The following PPARGC1A variants were observed in gnomAD, a reference collection of about 807,000 sequenced individuals.
PPARGC1A encodes the protein PPARG coactivator 1 alpha.
PPARGC1A carries 25 observed loss-of-function variants against 88.7 expected under a neutral mutation model. The observed-to-expected ratio is 0.28, with a 90% CI of 0.21 to 0.39. The LOEUF (loss-of-function observed/expected upper bound fraction) is 0.39, where lower values mean the gene tolerates loss of function less well. PPARGC1A is among the 10% of genes least tolerant of loss of function. The probability of loss-of-function intolerance (pLI) is 1.00; values close to 1 mark genes in which losing one functional copy is unlikely to be tolerated. For missense variants in PPARGC1A, 880 were observed against 968.7 expected, an observed-to-expected ratio of 0.91 and a Z score of 1.22; for synonymous variants, 363 against 355.6, an observed-to-expected ratio of 1.02 and a Z score of -0.24.
At chr4:24,008,859 G>T in the PPARGC1A span, among the ~76,000 whole-genome samples, 1 of 152,136 alleles carries the variant, frequency 6.6e-6, no homozygotes, top group African/African-American at 2.4e-5. Flanking sequence ...GCTAACTGAA[G>T]ATGTTATTAT....
chr4:23,808,281 G>T (rs1479837807), intron 10 of PPARGC1A, among the ~76,000 whole-genome samples: 1 of 149,136 alleles, frequency 6.7e-6, no homozygotes, highest in Non-Finnish European at 1.5e-5. Context: ...CTGAGTAATT[G>T]CACAATTTTT....
chr4:24,455,690 T>C, the PPARGC1A span, among the ~76,000 whole-genome samples: 2 of 152,084 alleles, frequency 1.3e-5, no homozygotes, highest in South Asian at 2.1e-4. Context: ...ATCTCCAGAG[T>C]TGGTTAGTTG....
the PPARGC1A span, among the ~76,000 whole-genome samples, chr4:24,310,513 C>T: frequency 6.6e-5 from 10 of 152,260 alleles, no homozygotes; most frequent in Non-Finnish European, 4.4e-5. Context: ...TTTTTCTGGT[C>T]TGAAGAATCA....
chr4:24,183,101 T>C, the PPARGC1A span, among the ~76,000 whole-genome samples: 9 of 152,128 alleles, frequency 5.9e-5, no homozygotes, highest in African/African-American at 9.7e-5. Flanking sequence ...GAGGACCAGA[T>C]GGAAATAAGG....
In PPARGC1A at chr4:23,801,787, A is replaced by C. The variant is rs2109345456; in HGVS notation, c.2236T>G (p.Phe746Val). 6.2e-7 allele frequency: 1 copy of C among 1,614,068 alleles called. No individual in the cohort carries two copies. The highest frequency in any genetic ancestry group is 1.1e-5 in the South Asian group (1 of 91,084). ...TTGCGTCCACAAAAGTACAGCTCAA[A>C]GTCAGTTTCGTTTGACCTGCGCAAA... ...YTLRRSNETDFELYFCGRKQF... is the reference protein window; with the variant it reads ...YTLRRSNETDVELYFCGRKQF... Residue 746 changes from phenylalanine (F) to valine (V), a missense_variant, in exon 12 of 13, where the codon TTT becomes GTT. Physicochemically the swap from Phe to Val is conservative, Grantham distance 50. Transcript: ENST00000264867.
the PPARGC1A span, among the ~76,000 whole-genome samples, chr4:24,320,232 C>G: frequency 9.2e-5 from 14 of 152,204 alleles, no homozygotes; most frequent in Admixed American, 6.5e-5. Flanking sequence ...GAGGTTTAAG[C>G]AATGTTTTCT....
At position 23,795,244 on chromosome 4, in the gene PPARGC1A, G is replaced by A. The variant is rs1717302517; in HGVS notation, c.*578C>T. ...CGGCTGTCATTTTAGGGTGGTTTGT[G>A]GTTGGTTGGTTGGTTGGTTGGTTGT... On this transcript the variant is annotated 3_prime_UTR_variant, in exon 13 of 13. Transcript: ENST00000264867. 1 of 147,066 alleles carries A rather than the reference G, an allele frequency of 6.8e-6. No individual in the cohort carries two copies. The highest frequency in any genetic ancestry group is 2.5e-5 in the African/African-American group (1 of 39,812). The allele number at this position is 147,066 out of a possible 1,614,324, so 9.1% of individuals were successfully genotyped here. A position where few individuals can be genotyped will look rare whatever the true frequency, so the allele number is the denominator to read the frequency against.
intron 10 of PPARGC1A, among the ~76,000 whole-genome samples, chr4:23,802,590 T>C (rs530008504): frequency 6.7e-6 from 1 of 150,226 alleles, no homozygotes; most frequent in African/African-American, 2.5e-5. Context: ...ACGCAGAGAA[T>C]TGCTTGAACC....
the PPARGC1A span, among the ~76,000 whole-genome samples, chr4:23,965,929 T>A: frequency 6.6e-6 from 1 of 152,204 alleles, no homozygotes; most frequent in Non-Finnish European, 1.5e-5. Context: ...AAACAGTTTT[T>A]ATGGCAAATG....
chr4:23,998,623 A>G, the PPARGC1A span, among the ~76,000 whole-genome samples: 1 of 152,228 alleles, frequency 6.6e-6, no homozygotes, highest in Non-Finnish European at 1.5e-5. Context: ...ATTTACTGAC[A>G]ACAATTTTGG....
chr4:24,373,231 T>A, the PPARGC1A span, among the ~76,000 whole-genome samples: 1 of 152,192 alleles, frequency 6.6e-6, no homozygotes, highest in Non-Finnish European at 1.5e-5. Flanking sequence ...GGTCTGGCGA[T>A]ACTGGGGCAA....
chr4:24,014,904 C>T, the PPARGC1A span, among the ~76,000 whole-genome samples: 9 of 152,152 alleles, frequency 5.9e-5, no homozygotes, highest in Non-Finnish European at 1.2e-4. Context: ...AGTGACATCC[C>T]ATCATATTGA....
chr4:23,845,610 C>T (rs1728180111), intron 2 of PPARGC1A, among the ~76,000 whole-genome samples: 1 of 152,130 alleles, frequency 6.6e-6, no homozygotes. Context: ...TGTTAATCCT[C>T]TGAGCCTTTC....
the PPARGC1A span, among the ~76,000 whole-genome samples, chr4:24,448,776 C>T: frequency 6.6e-5 from 10 of 152,150 alleles, no homozygotes; most frequent in African/African-American, 2.4e-4. Context: ...ATGTCTCACA[C>T]ACACCCCATT....
the PPARGC1A span, among the ~76,000 whole-genome samples, chr4:24,305,133 G>GCA: frequency 7.0e-6 from 1 of 142,896 alleles, no homozygotes; most frequent in African/African-American, 2.6e-5. Flanking sequence ...ATATGTGTAT[G>GCA]TATATATATA....
At chr4:24,073,223 TG>T in the PPARGC1A span, among the ~76,000 whole-genome samples, 1 of 151,996 alleles carries the variant, frequency 6.6e-6, no homozygotes, top group Non-Finnish European at 1.5e-5. Context: ...TTTGTATTTT[TG>T]GTAGAGATGG....
the PPARGC1A span, among the ~76,000 whole-genome samples, chr4:23,965,585 TACAG>T: frequency 6.6e-6 from 1 of 152,334 alleles, no homozygotes; most frequent in Non-Finnish European, 1.5e-5. Context: ...AATGATATTA[TACAG>T]ACAAAGTGCT....
the PPARGC1A span, among the ~76,000 whole-genome samples, chr4:24,200,753 G>T: frequency 1.4e-5 from 2 of 146,662 alleles, no homozygotes; most frequent in Admixed American, 1.4e-4. Flanking sequence ...ATTTGCATTT[G>T]CTATATTATC....
intron 2 of PPARGC1A, among the ~76,000 whole-genome samples, chr4:23,872,622 T>C (rs933119958): frequency 2.0e-5 from 3 of 152,198 alleles, no homozygotes; most frequent in African/African-American, 7.2e-5. Flanking sequence ...TTCCCTGCTC[T>C]ACTTCCTCAA....
Sources: allele counts gnomAD v4.1 joint callset (sites outside exome capture counted in the v4.1 genomes callset), GRCh38; gene constraint gnomAD v4.1.1; transcripts MANE v1.5; gene names NCBI Gene and HGNC (gene_info 2026-07-23, HGNC 2026-07-21).